LPCAT2: variants seen among roughly 807,000 people sequenced by gnomAD.
LPCAT2 encodes 1-AGP acyltransferase 11.
Under a neutral mutation model 64.7 loss-of-function variants are expected in LPCAT2, and 58 were observed. The ratio of observed to expected loss-of-function variants is 0.90; its 90% CI spans 0.73 to 1.12. The LOEUF is 1.12. Among genes scored for constraint, LPCAT2 ranks in the 50% most tolerant of loss-of-function variants. LPCAT2 has a pLI of 0.00. For missense variants in LPCAT2, 579 were observed against 669.8 expected (o/e 0.86, Z 1.50); for synonymous variants, 252 against 245.3 (o/e 1.03, Z -0.26).
At chr16:55,544,818 T>A (rs549441390) in intron 8 of LPCAT2, among the ~76,000 whole-genome samples, 4 of 152,322 alleles carry the variant, frequency 2.6e-5, no homozygotes, top group Non-Finnish European at 4.4e-5. Flanking sequence ...ATAAGGGTTT[T>A]TTTTGAATCT....
intron 8 of LPCAT2, chr16:55,545,358 G>A: frequency 6.0e-6 from 1 of 166,616 alleles, no homozygotes; most frequent in Non-Finnish European, 1.3e-5. Context: ...AGGGATGGGA[G>A]TTTCACATAA....
chr16:55,564,081 C>T (rs1427468520), intron 11 of LPCAT2, among the ~76,000 whole-genome samples: 1 of 151,608 alleles, frequency 6.6e-6, no homozygotes, highest in Non-Finnish European at 1.5e-5. Flanking sequence ...GAAAAGGAAA[C>T]TAAGAAAACA....
At chr16:55,545,609 C>A in intron 8 of LPCAT2, 126 bp from the exon 9 acceptor site, 1 of 631,098 alleles carries the variant, frequency 1.6e-6, no homozygotes, top group South Asian at 2.2e-5. Context: ...TGCCCCATTA[C>A]CTCATATAAC....
Position 55,561,823 on chromosome 16 carries a change from GT to G in LPCAT2, c.1215+10726del, listed in dbSNP as rs1963639974. Among the ~76,000 whole-genome samples, 4 of 151,978 alleles carry G rather than the reference GT, an allele frequency of 2.6e-5. No homozygotes were observed. The Middle Eastern group carries it at 0.01, about 388-fold the overall frequency. Reference sequence around the variant, plus strand: ...GCTGAGTAGTTAAAGAAGACATTTGGTTTTTGGTGTTCACAGAGGCCATTTC... The same window carrying G: ...GCTGAGTAGTTAAAGAAGACATTTGGTTTTGGTGTTCACAGAGGCCATTTC... On this transcript the variant is annotated intron_variant, in intron 11 of 13. Coordinates refer to ENST00000262134, the MANE Select transcript of LPCAT2 (RefSeq NM_017839.5).
chr16:55,583,243 T>G lies in LPCAT2; in HGVS notation c.*145T>G. 1.4e-6 allele frequency: 1 copy of G among 694,506 alleles called. No individual in the cohort carries two copies. The highest frequency in any genetic ancestry group is 1.8e-5 in the African/African-American group (1 of 56,068). The allele number at this position is 694,506 out of a possible 1,614,324, so 43.0% of individuals were successfully genotyped here. A position where few individuals can be genotyped will look rare whatever the true frequency, so the allele number is the denominator to read the frequency against. On this transcript the variant is annotated 3_prime_UTR_variant, in exon 14 of 14. Transcript: ENST00000262134. The stretch of plus-strand genomic sequence containing the variant: ...AAATGATAGATTTTCTTACTAAAAA[T>G]GTTTTTATTAACCTTGCTTTTATTG...
chr16:55,574,600 C>T (rs1260279746), intron 11 of LPCAT2, 31 bp from the exon 12 acceptor site: 22 of 1,435,416 alleles, frequency 1.5e-5, no homozygotes, highest in Non-Finnish European at 2.2e-5. Flanking sequence ...ACTAGTGGCC[C>T]TCCTAATTGA....
chr16:55,542,567 G>A (rs1292885723), intron 8 of LPCAT2, among the ~76,000 whole-genome samples: 3 of 151,978 alleles, frequency 2.0e-5, no homozygotes, highest in Non-Finnish European at 4.4e-5. Context: ...GATCAGGAGA[G>A]GTGGCTGAGG....
At chr16:55,542,025 C>T (rs1181908678) in intron 8 of LPCAT2, 1 of 1,072,290 alleles carries the variant, frequency 9.3e-7, no homozygotes. Context: ...ATTATAGTGT[C>T]ATAATTCTTC....
At chr16:55,574,566 T>C in intron 11 of LPCAT2, 65 bp from the exon 12 acceptor site, 2 of 1,094,848 alleles carry the variant, frequency 1.8e-6, no homozygotes, top group Admixed American at 3.4e-5. Context: ...AATTTTACCT[T>C]GTAGTAGGAT....
At chr16:55,577,992 C>T (rs1408001641) in intron 12 of LPCAT2, among the ~76,000 whole-genome samples, 1 of 152,136 alleles carries the variant, frequency 6.6e-6, no homozygotes, top group Non-Finnish European at 1.5e-5. Flanking sequence ...TCTTGCTAGG[C>T]CTTCCTATGG....
rs1422788186 is a variant in LPCAT2 at position 55,584,050 on chromosome 16, CTTGGT to C, written c.*955_*959del. ...TTTTACATGAACTACAGGTTTAGAA[CTTGGT>C]TTTAAGACAACTGCTATGGCCAGAA... On this transcript the variant is annotated 3_prime_UTR_variant, in exon 14 of 14. Transcript: ENST00000262134. 6.6e-6 allele frequency: 1 copy of C among 152,096 alleles called. No individual in the cohort carries two copies. The highest frequency in any genetic ancestry group is 1.5e-5 in the Non-Finnish European group (1 of 68,030). 9.4% of individuals were successfully genotyped at this position (152,096 alleles called of 1,614,324 possible). A position where few individuals can be genotyped will look rare whatever the true frequency, so the allele number is the denominator to read the frequency against.
At chr16:55,557,546 G>A (rs1194915930) in intron 11 of LPCAT2, among the ~76,000 whole-genome samples, 2 of 152,154 alleles carry the variant, frequency 1.3e-5, no homozygotes, top group African/African-American at 4.8e-5. Flanking sequence ...AGTACACAAT[G>A]GGAGGAAGGA....
At chr16:55,570,535 T>C (rs1227671828) in intron 11 of LPCAT2, among the ~76,000 whole-genome samples, 1 of 152,112 alleles carries the variant, frequency 6.6e-6, no homozygotes, top group African/African-American at 2.4e-5. Flanking sequence ...CTTGGGAGGC[T>C]GAGGCGGAGG....
chr16:55,559,768 GA>G (rs1283846466), intron 11 of LPCAT2, among the ~76,000 whole-genome samples: 1,598 of 102,154 alleles, frequency 0.016, 12 homozygotes, highest in African/African-American at 0.037. Context: ...GATACAATTT[GA>G]AAAAAAAAAA....
chr16:55,519,456 C>T (rs1050729610), intron 1 of LPCAT2, among the ~76,000 whole-genome samples: 1 of 149,588 alleles, frequency 6.7e-6, no homozygotes, highest in Non-Finnish European at 1.5e-5. Context: ...TTGCAGTGAG[C>T]TGAGATCCCG....
At position 55,536,237 on chromosome 16, in the gene LPCAT2, C is replaced by T. The variant is rs182865878; in HGVS notation, c.798-1341C>T. Among the ~76,000 whole-genome samples, 181 of 152,236 alleles carry T rather than the reference C, an allele frequency of 1.2e-3. 5 individuals carry two copies. In the South Asian group the frequency reaches 0.033, roughly 28 times the overall value. ...AGATTTTATACCAAAACGAATATCC[C>T]AAGGAAAAGGAGACTTGGAATAAAC... On this transcript the variant is annotated intron_variant, in intron 7 of 13. Transcript: ENST00000262134.
intron 11 of LPCAT2, chr16:55,567,624 C>T: frequency 2.0e-6 from 2 of 978,564 alleles, no homozygotes; most frequent in Non-Finnish European, 1.5e-6. Flanking sequence ...CTTTCACAAC[C>T]CTACATATTT....
intron 9 of LPCAT2, among the ~76,000 whole-genome samples, chr16:55,547,770 T>G (rs1166306605): frequency 6.6e-6 from 1 of 152,156 alleles, no homozygotes. Context: ...AAATTTTTTT[T>G]TTGTTTTTTG....
chr16:55,537,417 T>C (rs1963337713), intron 7 of LPCAT2, among the ~76,000 whole-genome samples, 161 bp from the exon 8 acceptor site: 1 of 151,800 alleles, frequency 6.6e-6, no homozygotes, highest in East Asian at 1.9e-4. Flanking sequence ...AATAGTTGTC[T>C]AGGCCCAAAA....
Sources: gnomAD v4.1 joint callset for allele counts (sites outside exome capture counted in the v4.1 genomes callset) on GRCh38, gnomAD v4.1.1 for gene constraint, MANE v1.5 for transcripts, NCBI Gene and HGNC (gene_info 2026-07-23, HGNC 2026-07-21) for gene names.